GRID1: variants seen among roughly 807,000 people sequenced by gnomAD.
GRID1 encodes the protein glutamate receptor ionotropic, delta-1.
A neutral mutation model predicts 98.0 loss-of-function variants in GRID1; 28 were observed. That is an observed-to-expected ratio of 0.29 (90% CI 0.21 to 0.39). The LOEUF (loss-of-function observed/expected upper bound fraction) is 0.39, where lower values mean the gene tolerates loss of function less well. GRID1 is among the 10% of genes least tolerant of loss of function. GRID1 has a pLI of 1.00. For synonymous variants in GRID1, 553 were observed against 538.5 expected, an observed-to-expected ratio of 1.03 and a Z score of -0.37; for missense variants, 1,111 against 1,340.5, an observed-to-expected ratio of 0.83 and a Z score of 2.67.
At chr10:86,322,103 C>T (rs1847978666) in intron 2 of GRID1, among the ~76,000 whole-genome samples, 1 of 151,962 alleles carries the variant, frequency 6.6e-6, no homozygotes, top group Non-Finnish European at 1.5e-5. Context: ...ATCTGGGAAC[C>T]AAACATTTCA....
intron 4 of GRID1, among the ~76,000 whole-genome samples, chr10:85,940,066 C>CAAAA (rs34122685): frequency 1.0e-5 from 1 of 99,418 alleles, no homozygotes; most frequent in African/African-American, 3.9e-5. Flanking sequence ...GACTCCCTCT[C>CAAAA]AAAAAAAAAA....
intron 2 of GRID1, among the ~76,000 whole-genome samples, chr10:86,250,166 T>C (rs1339148976): frequency 6.6e-6 from 1 of 152,134 alleles, no homozygotes; most frequent in Non-Finnish European, 1.5e-5. Context: ...CAAAAGTCAG[T>C]GGGGACATTG....
chr10:85,953,927 G>A (rs1252614598), intron 4 of GRID1, among the ~76,000 whole-genome samples: 1 of 152,104 alleles, frequency 6.6e-6, no homozygotes, highest in Non-Finnish European at 1.5e-5. Context: ...CCTCTCTGTG[G>A]TAGAAAATCA....
At chr10:86,094,491 G>C (rs886180329) in intron 4 of GRID1, among the ~76,000 whole-genome samples, 2 of 152,094 alleles carry the variant, frequency 1.3e-5, no homozygotes, top group Admixed American at 1.3e-4. Flanking sequence ...TAAAAGAATT[G>C]AGCAAAGTTT....
chr10:86,246,505 C>A (rs1846729887), intron 2 of GRID1, among the ~76,000 whole-genome samples: 1 of 152,194 alleles, frequency 6.6e-6, no homozygotes, highest in Non-Finnish European at 1.5e-5. Flanking sequence ...GGCCAGCTCA[C>A]AGGGAAGAGG....
chr10:85,943,649 T>C (rs1466364675), intron 4 of GRID1, among the ~76,000 whole-genome samples: 2 of 152,180 alleles, frequency 1.3e-5, no homozygotes, highest in Non-Finnish European at 2.9e-5. Context: ...AGTCAACCTA[T>C]GTAGTTCAAA....
chr10:85,835,494 C>A (rs1176750411), intron 8 of GRID1, among the ~76,000 whole-genome samples: 1 of 152,222 alleles, frequency 6.6e-6, no homozygotes, highest in Non-Finnish European at 1.5e-5. Context: ...CCTGCACAAT[C>A]TCCCTTGCTG....
chr10:86,304,357 GCT>G (rs1457885034), intron 2 of GRID1, among the ~76,000 whole-genome samples: 3 of 152,218 alleles, frequency 2.0e-5, no homozygotes, highest in Non-Finnish European at 2.9e-5. Context: ...CTGGACACAT[GCT>G]CCACATGTCC....
At chr10:85,971,336 T>C (rs1285191108) in intron 4 of GRID1, among the ~76,000 whole-genome samples, 1 of 152,052 alleles carries the variant, frequency 6.6e-6, no homozygotes, top group Non-Finnish European at 1.5e-5. Flanking sequence ...TAATCAATCA[T>C]ACTTTATTAA....
intron 6 of GRID1, among the ~76,000 whole-genome samples, chr10:85,863,158 A>C (rs1489071734): frequency 6.6e-6 from 1 of 152,220 alleles, no homozygotes; most frequent in African/African-American, 2.4e-5. Flanking sequence ...ATAAGCAACA[A>C]AAATTTAACT....
At chr10:86,273,015 A>C (rs1364436397) in intron 2 of GRID1, among the ~76,000 whole-genome samples, 1 of 152,004 alleles carries the variant, frequency 6.6e-6, no homozygotes, top group Non-Finnish European at 1.5e-5. Flanking sequence ...ACACCCATTA[A>C]CTCAACATTT....
At chr10:85,668,435 A>C (rs1841048254) in intron 12 of GRID1, among the ~76,000 whole-genome samples, 2 of 152,252 alleles carry the variant, frequency 1.3e-5, no homozygotes, top group South Asian at 4.2e-4. Context: ...CTTGACTCCA[A>C]ATCAAATTTG....
chr10:85,707,340 A>C (rs1465333600), intron 12 of GRID1, among the ~76,000 whole-genome samples: 3 of 152,236 alleles, frequency 2.0e-5, no homozygotes, highest in African/African-American at 7.2e-5. Flanking sequence ...GAAGACATTT[A>C]TGCAGCCAAC....
At chr10:85,957,479 T>C (rs12777070) in intron 4 of GRID1, among the ~76,000 whole-genome samples, 18,865 of 152,156 alleles carry the variant, frequency 0.12, 1,539 homozygotes, top group Non-Finnish European at 0.18. Flanking sequence ...TAAGAAGGCA[T>C]ATCTGGCCCC....
chr10:85,791,258 C>T (rs550883059), intron 8 of GRID1, among the ~76,000 whole-genome samples: 22 of 152,304 alleles, frequency 1.4e-4, no homozygotes, highest in African/African-American at 5.1e-4. Context: ...GGTTTCCAGC[C>T]ACACCCAGGC....
At chr10:85,856,868 T>C (rs1251101547) in intron 6 of GRID1, among the ~76,000 whole-genome samples, 3 of 152,278 alleles carry the variant, frequency 2.0e-5, no homozygotes, top group African/African-American at 4.8e-5. Context: ...TGTCAATGGG[T>C]ACAATACAGA....
intron 10 of GRID1, among the ~76,000 whole-genome samples, chr10:85,726,157 G>A (rs542114396): frequency 5.1e-4 from 78 of 152,208 alleles, no homozygotes; most frequent in African/African-American, 1.9e-3. Context: ...GCCTGCAGAT[G>A]TAAATTTCAT....
intron 4 of GRID1, among the ~76,000 whole-genome samples, chr10:85,946,320 G>GAAGACAAGCAGCCAGGT (rs1000766812): frequency 3.9e-5 from 6 of 152,222 alleles, no homozygotes; most frequent in African/African-American, 1.4e-4. Flanking sequence ...AATGCCCTGA[G>GAAGACAAGCAGCCAGGT]AAGACAAGCA....
chr10:86,044,350 G>A (rs1311119572), intron 4 of GRID1, among the ~76,000 whole-genome samples: 2 of 152,176 alleles, frequency 1.3e-5, no homozygotes, highest in East Asian at 3.8e-4. Flanking sequence ...TTGGCTTAAT[G>A]GCTTTTGACA....
Sources: gnomAD v4.1 joint callset for allele counts (sites outside exome capture counted in the v4.1 genomes callset) on GRCh38, gnomAD v4.1.1 for gene constraint, MANE v1.5 for transcripts, NCBI Gene and HGNC (gene_info 2026-07-23, HGNC 2026-07-21) for gene names.